The following UBE2D2 variants were observed in gnomAD, a reference collection of about 807,000 sequenced individuals.
UBE2D2 encodes the protein ubiquitin-conjugating enzyme E2 D2.
In UBE2D2, 2 loss-of-function variants were observed where a neutral mutation model predicts 24.2. The observed-to-expected ratio is 0.08, with a 90% CI of 0.03 to 0.26. The LOEUF (loss-of-function observed/expected upper bound fraction) is 0.26, where lower values mean the gene tolerates loss of function less well. UBE2D2 is among the 10% of genes least tolerant of loss of function. The pLI is 1.00. For missense variants in UBE2D2, 44 were observed against 177.6 expected (o/e 0.25, Z 4.28); for synonymous variants, 58 against 56.5 (o/e 1.03, Z -0.12).
chr5:139,593,944 C>T (rs1159192878), intron 1 of UBE2D2, among the ~76,000 whole-genome samples: 1 of 152,136 alleles, frequency 6.6e-6, no homozygotes, highest in African/African-American at 2.4e-5. Flanking sequence ...GAATCATAAT[C>T]TTTGTTTAAA....
At chr5:139,550,488 T>C (rs1752896061) in intron 1 of UBE2D2, among the ~76,000 whole-genome samples, 1 of 151,846 alleles carries the variant, frequency 6.6e-6, no homozygotes, top group African/African-American at 2.4e-5. Context: ...CAGCAGGATG[T>C]GGGTGGGGTC....
chr5:139,607,371 CT>C (rs1482376901), intron 2 of UBE2D2, among the ~76,000 whole-genome samples: 1 of 152,010 alleles, frequency 6.6e-6, no homozygotes, highest in Non-Finnish European at 1.5e-5. Flanking sequence ...TTTTTTGGTA[CT>C]GTAGATTCTA....
At chr5:139,585,853 C>T (rs1753715582) in intron 1 of UBE2D2, among the ~76,000 whole-genome samples, 1 of 143,412 alleles carries the variant, frequency 7.0e-6, no homozygotes, top group African/African-American at 2.6e-5. Flanking sequence ...AGGGGAATCA[C>T]TTGAACCCGG....
intron 1 of UBE2D2, among the ~76,000 whole-genome samples, chr5:139,534,294 C>T (rs1752634700): frequency 6.6e-6 from 1 of 151,844 alleles, no homozygotes. Context: ...TAGCCAGGGG[C>T]AGTGGCTCAC....
chr5:139,586,306 T>C (rs968674583), intron 1 of UBE2D2, among the ~76,000 whole-genome samples: 7 of 152,120 alleles, frequency 4.6e-5, no homozygotes, highest in Non-Finnish European at 7.3e-5. Flanking sequence ...AAATAACTTA[T>C]AAGATGGAAC....
chr5:139,575,936 T>A (rs565934888), intron 1 of UBE2D2, among the ~76,000 whole-genome samples: 5 of 152,118 alleles, frequency 3.3e-5, no homozygotes, highest in African/African-American at 9.7e-5. Context: ...AAGAGGAGGA[T>A]CTCTTGAGGC....
At chr5:139,604,956 A>T (rs953780556) in intron 2 of UBE2D2, among the ~76,000 whole-genome samples, 5 of 151,740 alleles carry the variant, frequency 3.3e-5, no homozygotes, top group African/African-American at 1.2e-4. Context: ...GTATGATTGG[A>T]TAGCTAAATG....
chr5:139,612,585 TTAAA>T (rs1280267453), intron 2 of UBE2D2, among the ~76,000 whole-genome samples: 4 of 152,200 alleles, frequency 2.6e-5, no homozygotes, highest in Non-Finnish European at 4.4e-5. Context: ...AACCACAAAT[TTAAA>T]TAACAGGAAA....
chr5:139,548,193 A>AAAATAAATAAATAAATAAAT (rs1388715344), intron 1 of UBE2D2, among the ~76,000 whole-genome samples: 49 of 47,074 alleles, frequency 1.0e-3, no homozygotes, highest in South Asian at 5.3e-3. Context: ...ATAAAAAAAA[A>AAAATAAATAAATAAATAAAT]AAATAAATAA....
chr5:139,543,358 C>T (rs1361722092), intron 1 of UBE2D2, among the ~76,000 whole-genome samples: 8 of 152,210 alleles, frequency 5.3e-5, no homozygotes, highest in Admixed American at 5.2e-4. Flanking sequence ...CAGTGAGCTG[C>T]CAAACTGTTA....
At chr5:139,550,565 T>C (rs1442468436) in intron 1 of UBE2D2, among the ~76,000 whole-genome samples, 3 of 152,090 alleles carry the variant, frequency 2.0e-5, no homozygotes, top group African/African-American at 4.8e-5. Flanking sequence ...TCTTCCACGC[T>C]CACGCTATGG....
At chr5:139,541,059 A>G (rs922145981) in intron 1 of UBE2D2, among the ~76,000 whole-genome samples, 4 of 151,652 alleles carry the variant, frequency 2.6e-5, no homozygotes, top group African/African-American at 9.7e-5. Context: ...ACCCTTTGGG[A>G]GGCTAAGGCG....
chr5:139,552,140 AATAG>A (rs1203283050), intron 1 of UBE2D2, among the ~76,000 whole-genome samples: 2 of 152,134 alleles, frequency 1.3e-5, no homozygotes, highest in East Asian at 3.9e-4. Context: ...ATTAGCCTCT[AATAG>A]ATAAGCTCTA....
intron 1 of UBE2D2, among the ~76,000 whole-genome samples, chr5:139,599,889 C>T (rs1026306854): frequency 1.2e-4 from 19 of 152,006 alleles, no homozygotes; most frequent in Admixed American, 7.2e-4. Context: ...CTGCAACCTC[C>T]GCCTCCCTGG....
At chr5:139,555,924 CAAAAAA>C (rs1168084041) in intron 1 of UBE2D2, among the ~76,000 whole-genome samples, 2 of 9,298 alleles carry the variant, frequency 2.2e-4, no homozygotes, top group Admixed American at 1.8e-3. Flanking sequence ...GACTCCATCT[CAAAAAA>C]AAAAAAAAAA....
chr5:139,551,523 GCTA>G (rs1445073264), intron 1 of UBE2D2, among the ~76,000 whole-genome samples: 1 of 152,106 alleles, frequency 6.6e-6, no homozygotes, highest in Non-Finnish European at 1.5e-5. Flanking sequence ...TTTTAAGGGA[GCTA>G]CTGTCTTACC....
chr5:139,540,403 G>A (rs886534710), intron 1 of UBE2D2, among the ~76,000 whole-genome samples: 5 of 152,000 alleles, frequency 3.3e-5, no homozygotes, highest in African/African-American at 9.7e-5. Flanking sequence ...AAAGTTAGCT[G>A]GGTGTTGTGG....
intron 1 of UBE2D2, among the ~76,000 whole-genome samples, chr5:139,543,044 G>A (rs571673956): frequency 3.9e-5 from 6 of 152,034 alleles, no homozygotes; most frequent in East Asian, 1.9e-4. Context: ...CTACAGGCGC[G>A]CGCCACCATG....
intron 1 of UBE2D2, among the ~76,000 whole-genome samples, chr5:139,587,982 T>G (rs191289348): frequency 1.3e-5 from 2 of 152,274 alleles, no homozygotes; most frequent in East Asian, 3.9e-4. Flanking sequence ...CCTTCCCAGC[T>G]AGGCTTAGGG....
Sources: gnomAD v4.1 joint callset for allele counts (sites outside exome capture counted in the v4.1 genomes callset) on GRCh38, gnomAD v4.1.1 for gene constraint, MANE v1.5 for transcripts, NCBI Gene and HGNC (gene_info 2026-07-23, HGNC 2026-07-21) for gene names.